ZSCAN5A: variants seen among roughly 807,000 people sequenced by gnomAD.
The protein encoded by ZSCAN5A is zinc finger and SCAN domain-containing protein 5A.
ZSCAN5A carries 12 observed loss-of-function variants against 23.7 expected under a neutral mutation model. The ratio of observed to expected loss-of-function variants is 0.51; its 90% confidence interval spans 0.32 to 0.82. The LOEUF is 0.82. Ranked by LOEUF, ZSCAN5A falls within the 40% of genes least tolerant of loss-of-function variation. The pLI is 0.03. For synonymous variants in ZSCAN5A, 257 were observed against 239.9 expected, an observed-to-expected ratio of 1.07 and a Z score of -0.66; for missense variants, 597 against 617.9, an observed-to-expected ratio of 0.97 and a Z score of 0.36.
chr19:56,267,159 A>G (rs978252099), intron 2 of ZSCAN5A, among the ~76,000 whole-genome samples: 12 of 152,136 alleles, frequency 7.9e-5, no homozygotes, highest in Admixed American at 7.9e-4. Flanking sequence ...TCTCAACCCC[A>G]TCGGTCTCTA....
chr19:56,325,275 T>C (rs2041422313), intron 2 of ZSCAN5A, among the ~76,000 whole-genome samples: 1 of 152,212 alleles, frequency 6.6e-6, no homozygotes, highest in African/African-American at 2.4e-5. Context: ...GTGTGTGTCT[T>C]TTCTTCTCCC....
intron 2 of ZSCAN5A, among the ~76,000 whole-genome samples, chr19:56,290,119 C>T (rs2039415687): frequency 6.6e-6 from 1 of 152,206 alleles, no homozygotes; most frequent in South Asian, 2.1e-4. Flanking sequence ...TTTCTTTGTT[C>T]TACCTGGACC....
chr19:56,296,439 G>A (rs908409382), intron 2 of ZSCAN5A: 1 of 151,970 alleles, frequency 6.6e-6, no homozygotes, highest in African/African-American at 2.4e-5. Flanking sequence ...CTATGGTGGG[G>A]GGTCCCTTAA....
intron 2 of ZSCAN5A, among the ~76,000 whole-genome samples, chr19:56,353,279 T>A (rs1231966472): frequency 1.3e-5 from 2 of 152,152 alleles, no homozygotes; most frequent in South Asian, 4.1e-4. Flanking sequence ...AGAGAAAGAA[T>A]ATGAAAGGTG....
chr19:56,300,397 T>A (rs1218951253), intron 2 of ZSCAN5A, among the ~76,000 whole-genome samples: 1 of 152,204 alleles, frequency 6.6e-6, no homozygotes, highest in Non-Finnish European at 1.5e-5. Context: ...CTGTGTTTGT[T>A]AATTGGCTTA....
intron 2 of ZSCAN5A, among the ~76,000 whole-genome samples, chr19:56,259,895 C>T (rs1344618149): frequency 6.6e-6 from 1 of 152,206 alleles, no homozygotes; most frequent in Non-Finnish European, 1.5e-5. Flanking sequence ...CTAGTTTAAG[C>T]CAGGGAAGTC....
intron 2 of ZSCAN5A, chr19:56,247,092 T>G (rs1465565194): frequency 1.4e-6 from 1 of 714,560 alleles, no homozygotes; most frequent in Non-Finnish European, 2.5e-6. Flanking sequence ...GGTTTACGTG[T>G]AATTCCAAGC....
chr19:56,329,049 T>A lies in ZSCAN5A; in HGVS notation c.-357-12781A>T, dbSNP rs569457533. Among the ~76,000 whole-genome samples, 3 of 149,808 alleles carry A rather than the reference T, an allele frequency of 2.0e-5. No homozygotes were observed. The South Asian group carries it at 6.4e-4, about 32-fold the overall frequency. On this transcript the variant is annotated intron_variant, in intron 2 of 6. Coordinates refer to the ZSCAN5A transcript ENST00000587340. ...AATAAAAGAAATGTAACAGAAATTT[T>A]AAAAATAATTTGACCTTGGCTGGGC...
At chr19:56,334,104 G>A (rs2041513777) in intron 2 of ZSCAN5A, among the ~76,000 whole-genome samples, 4 of 152,184 alleles carry the variant, frequency 2.6e-5, no homozygotes, top group Non-Finnish European at 5.9e-5. Flanking sequence ...GGAATGGGCA[G>A]GCCCATGTAC....
chr19:56,347,951 A>G (rs1225890621), intron 2 of ZSCAN5A: 1 of 152,216 alleles, frequency 6.6e-6, no homozygotes, highest in Non-Finnish European at 1.5e-5. Context: ...GTTGCTATTG[A>G]TGTGGCAGGC....
At chr19:56,234,414 G>A (rs2034708322) in intron 2 of ZSCAN5A, among the ~76,000 whole-genome samples, 1 of 151,932 alleles carries the variant, frequency 6.6e-6, no homozygotes, top group South Asian at 2.1e-4. Context: ...TACTTCTGAG[G>A]GCTCTGAGGC....
chr19:56,363,951 A>C (rs1464340858), intron 1 of ZSCAN5A, among the ~76,000 whole-genome samples: 2 of 152,256 alleles, frequency 1.3e-5, no homozygotes, highest in Non-Finnish European at 1.5e-5. Context: ...TTTCAAGAGA[A>C]GAATTCAAGT....
intron 2 of ZSCAN5A, among the ~76,000 whole-genome samples, chr19:56,272,259 C>T (rs577145333): frequency 8.5e-5 from 13 of 152,258 alleles, no homozygotes; most frequent in South Asian, 4.2e-4. Context: ...ATTTACAGTA[C>T]GTCTAGGACA....
At chr19:56,367,519 T>C (rs2041778122) in intron 1 of ZSCAN5A, among the ~76,000 whole-genome samples, 1 of 152,206 alleles carries the variant, frequency 6.6e-6, no homozygotes, top group African/African-American at 2.4e-5. Flanking sequence ...CCATCAGTGA[T>C]CCACAATGTG....
At chr19:56,223,567 C>G (rs2033540309) in intron 4 of ZSCAN5A, 64 bp downstream of exon 4, 8 of 1,551,190 alleles carry the variant, frequency 5.2e-6, no homozygotes, top group Middle Eastern at 1.8e-4. Flanking sequence ...AGTCCAGCGG[C>G]CACACGATTT....
chr19:56,244,851 G>A (rs1335294881), intron 2 of ZSCAN5A, among the ~76,000 whole-genome samples: 12 of 151,528 alleles, frequency 7.9e-5, no homozygotes, highest in Non-Finnish European at 1.5e-4. Flanking sequence ...CGGGGCCCAG[G>A]AGTCCCATCC....
chr19:56,224,938 C>T lies in ZSCAN5A; in HGVS notation c.109G>A (p.Asp37Asn), dbSNP rs543522736. 9.3e-6 allele frequency: 15 copies of T among 1,614,096 alleles called. No homozygotes were observed. The highest frequency in any genetic ancestry group is 8.3e-5 in the Admixed American group (5 of 59,996). Residue 37 changes from aspartate (D) to asparagine (N), a missense_variant, in exon 3 of 6, where the codon GAC (aspartate) becomes AAC (asparagine). Asp to Asn is a conservative substitution (Grantham distance 23). Around this residue, in one of 5 missense-constraint regions of ZSCAN5A, gnomAD observed 72 missense variants for 76.8 expected, o/e 0.94. Transcript: ENST00000683990. ...ACGTGAGAAATCTCAGGGTCCACGT[C>T]GTGATTTCCAAGTTGAGTTTCTGAG... ...ASSETQLGNH[D>N]VDPEISHVNF...
At chr19:56,366,228 G>A (rs955154608) in intron 1 of ZSCAN5A, among the ~76,000 whole-genome samples, 2 of 152,124 alleles carry the variant, frequency 1.3e-5, no homozygotes, top group Admixed American at 1.3e-4. Context: ...CGGATCACGA[G>A]GTCAGAGATC....
intron 2 of ZSCAN5A, among the ~76,000 whole-genome samples, chr19:56,361,816 C>T (rs1021113786): frequency 5.9e-5 from 9 of 151,978 alleles, no homozygotes; most frequent in African/African-American, 2.2e-4. Context: ...ACGCATTTAC[C>T]TATGTAACAA....
Sources: allele counts gnomAD v4.1 joint callset (sites outside exome capture counted in the v4.1 genomes callset), GRCh38; gene constraint gnomAD v4.1.1; regional missense constraint gnomAD v4.1.1; transcripts MANE v1.5; gene names NCBI Gene and HGNC (gene_info 2026-07-23, HGNC 2026-07-21).